The following CNBD2 variants were observed in gnomAD, a reference collection of about 807,000 sequenced individuals.
CNBD2 encodes the protein cyclic nucleotide-binding domain-containing protein 2.
CNBD2 carries 64 observed loss-of-function variants against 63.7 expected under a neutral mutation model. The observed-to-expected ratio is 1.00, with a 90% CI of 0.82 to 1.24. CNBD2 has a LOEUF of 1.24. Ranked by LOEUF, CNBD2 falls within the 50% of genes most tolerant of loss-of-function variation. The pLI, the probability that CNBD2 is intolerant of heterozygous loss-of-function variation, is 0.00. For synonymous variants in CNBD2, 229 were observed against 255.4 expected, an observed-to-expected ratio of 0.90 and a Z score of 0.99; for missense variants, 691 against 713.5, an observed-to-expected ratio of 0.97 and a Z score of 0.36.
rs1288347898 is a variant in CNBD2, at chr20:35,968,804, G to A, written c.42G>A (p.Lys14=). The change falls in exon 1 of 12, where the codon AAG becomes AAA. Residue 14 remains lysine (K), a synonymous_variant. Coordinates refer to ENST00000373973, the MANE Select transcript of CNBD2 (RefSeq NM_001365709.1). ...HMVTYAWQLL[K]KELGLYQLAM... ...TAACTTATGCCTGGCAGCTCCTGAA[G>A]AAGGAACTGGTGAGGAGGGGCAAGG... The A allele has an allele frequency of 1.2e-6, 2 of 1,607,398 alleles. No individual in the cohort carries two copies. Among genetic ancestry groups the A allele is most frequent in the Non-Finnish European group, 1.7e-6 (2 of 1,177,450 alleles).
intron 8 of CNBD2, among the ~76,000 whole-genome samples, chr20:36,007,670 G>T (rs2057003361): frequency 1.3e-5 from 2 of 152,078 alleles, no homozygotes; most frequent in Admixed American, 1.3e-4. Flanking sequence ...CTACAGGTGT[G>T]CACCAGCATG....
chr20:35,968,782 C>G lies in CNBD2; in HGVS notation c.20C>G (p.Thr7Ser), dbSNP rs1356695859. ...GGAACCATGAGGAGACATATGGTAACTTATGCCTGGCAGCTCCTGAAGAAG... is the reference window on the plus strand; with the variant it reads ...GGAACCATGAGGAGACATATGGTAAGTTATGCCTGGCAGCTCCTGAAGAAG... MRRHMV[T>S]YAWQLLKKEL... The change falls in exon 1 of 12, where the codon ACT becomes AGT. Residue 7 changes from threonine to serine, a missense_variant. Coordinates refer to ENST00000373973, the MANE Select transcript of CNBD2 (RefSeq NM_001365709.1). The G allele has an allele frequency of 6.2e-7, 1 of 1,609,186 alleles. No homozygotes were observed. The highest frequency in any genetic ancestry group is 8.5e-7 in the Non-Finnish European group (1 of 1,178,488).
downstream of CNBD2, among the ~76,000 whole-genome samples, chr20:35,958,207 C>T (rs753281356): frequency 4.6e-5 from 7 of 152,052 alleles, no homozygotes; most frequent in African/African-American, 1.2e-4. Flanking sequence ...CCGAGGCAGG[C>T]GGATCACGAG....
rs774370127 is a variant in CNBD2 at position 35,975,977 on chromosome 20, A to G, written c.218A>G (p.Asp73Gly). The change falls in exon 3 of 12, where the codon GAT (aspartate) becomes GGT (glycine). Residue 73 changes from aspartate (D) to glycine (G), a missense_variant. Transcript: ENST00000373973. The stretch of plus-strand genomic sequence containing the variant: ...AAGATGCAAAGCCGAGTCACATTTG[A>G]TACCATGGACTTCATTGCAGAGGAG... Reference protein sequence around the residue: ...DKKMQSRVTFDTMDFIAEEGH... With the variant: ...DKKMQSRVTFGTMDFIAEEGH... 2.5e-5 allele frequency: 40 copies of G among 1,613,056 alleles called. No individual in the cohort carries two copies. The South Asian group carries it at 3.8e-4, about 16-fold the overall frequency.
chr20:36,020,210 G>A (rs1174200593), intron 10 of CNBD2, among the ~76,000 whole-genome samples: 1 of 152,050 alleles, frequency 6.6e-6, no homozygotes, highest in Non-Finnish European at 1.5e-5. Context: ...AGCCTCCCAA[G>A]TAGCTGGGAC....
intron 11 of CNBD2, 136 bp from the exon 12 acceptor site, chr20:36,030,221 G>T (rs1420365796): frequency 1.2e-6 from 1 of 839,810 alleles, no homozygotes; most frequent in Admixed American, 2.3e-5. Context: ...AAAGGGAAAG[G>T]GTGCAGAAGG....
At chr20:35,976,075 G>A in intron 3 of CNBD2, 73 bp downstream of exon 3, 2 of 1,370,808 alleles carry the variant, frequency 1.5e-6, no homozygotes, top group Non-Finnish European at 2.1e-6. Flanking sequence ...CCCTGGCTGG[G>A]TATCAGCAGA....
At chr20:36,028,291 T>G (rs139838471) in intron 11 of CNBD2, among the ~76,000 whole-genome samples, 143 of 152,240 alleles carry the variant, frequency 9.4e-4, no homozygotes, top group South Asian at 9.1e-3. Flanking sequence ...CCCTGCTCAG[T>G]CAGCATTTGC....
intron 1 of CNBD2, among the ~76,000 whole-genome samples, chr20:35,970,009 G>A (rs188489805): frequency 5.1e-4 from 78 of 152,150 alleles, no homozygotes; most frequent in Middle Eastern, 6.8e-3. Context: ...TCACAATTTG[G>A]CTGGGGCATG....
chr20:36,008,552 A>C, intron 9 of CNBD2, 78 bp downstream of exon 9: 2 of 1,395,036 alleles, frequency 1.4e-6, no homozygotes, highest in Non-Finnish European at 1.9e-6. Context: ...GCAGAATGTC[A>C]GGGATGCGGA....
intron 8 of CNBD2, among the ~76,000 whole-genome samples, chr20:36,001,529 G>A (rs1183562629): frequency 2.8e-5 from 4 of 143,942 alleles, no homozygotes; most frequent in Non-Finnish European, 6.1e-5. Context: ...CGGGGCGGCC[G>A]GCTGGGCGGA....
chr20:36,008,708 C>T (rs529961370), intron 9 of CNBD2, among the ~76,000 whole-genome samples: 51 of 152,166 alleles, frequency 3.4e-4, no homozygotes, highest in Non-Finnish European at 7.2e-4. Context: ...CTTCTTTTCT[C>T]AGGGCCTCAG....
chr20:35,975,203 T>G (rs368307758), intron 2 of CNBD2, among the ~76,000 whole-genome samples: 17 of 134,584 alleles, frequency 1.3e-4, no homozygotes, highest in South Asian at 2.3e-4. Flanking sequence ...GGGTTTCACC[T>G]TGTTAGCCAG....
rs371997100 is a variant in CNBD2 at position 35,968,711 on chromosome 20, C to T, written c.-52C>T. Reference sequence around the variant, plus strand: ...GATTTTTGGGGAAAAATTTGTAGTCCTCCCCTTGAAAGGCAAAGGGGCTAG... The same window carrying T: ...GATTTTTGGGGAAAAATTTGTAGTCTTCCCCTTGAAAGGCAAAGGGGCTAG... On this transcript the variant is annotated 5_prime_UTR_variant, in exon 1 of 12. Coordinates refer to ENST00000373973, the MANE Select transcript of CNBD2 (RefSeq NM_001365709.1). 4.1e-6 allele frequency: 6 copies of T among 1,479,946 alleles called. No homozygotes were observed. The African/African-American group carries it at 4.1e-5, about 10-fold the overall frequency. The allele number at this position is 1,479,946 out of a possible 1,614,324, so 91.7% of individuals were successfully genotyped here.
Position 35,984,065 on chromosome 20 carries a change from C to T in CNBD2, c.491C>T (p.Thr164Ile), listed in dbSNP as rs1287217993. ...YFIYLGTVAI[T>I]KDEDGSSAFL... is the part of the protein sequence containing the mutation. ...ATCTACCTGGGCACAGTTGCAATAA[C>T]CAAGGACGAGGATGGCAGCAGTGCC... Residue 164 changes from threonine to isoleucine, a missense_variant, in exon 5 of 12, where the codon ACC becomes ATC. Thr to Ile is a moderately conservative substitution (Grantham distance 89, BLOSUM62 -1). Coordinates refer to ENST00000373973, the MANE Select transcript of CNBD2 (RefSeq NM_001365709.1). The T allele has an allele frequency of 3.1e-6, 5 of 1,614,136 alleles. No homozygotes were observed. In the East Asian group the frequency reaches 6.7e-5, roughly 22 times the overall value.
intron 10 of CNBD2, among the ~76,000 whole-genome samples, chr20:36,012,477 CA>C (rs11471733): frequency 1.5e-3 from 206 of 139,832 alleles, no homozygotes; most frequent in South Asian, 2.9e-3. Flanking sequence ...AACTCCATCT[CA>C]AAAAAAAAAA....
At chr20:36,023,945 T>G (rs2147372375) in intron 11 of CNBD2, among the ~76,000 whole-genome samples, 174 bp downstream of exon 11, 1 of 152,378 alleles carries the variant, frequency 6.6e-6, no homozygotes, top group East Asian at 1.9e-4. Context: ...ATTTTAGCAT[T>G]ACATTTCAAG....
intron 11 of CNBD2, among the ~76,000 whole-genome samples, chr20:36,027,275 G>A (rs2057293349): frequency 6.6e-6 from 1 of 152,196 alleles, no homozygotes; most frequent in African/African-American, 2.4e-5. Context: ...TCCAATGGTA[G>A]AGAAAGGGGG....
intron 8 of CNBD2, among the ~76,000 whole-genome samples, chr20:35,996,808 T>A (rs1014563826): frequency 2.0e-5 from 3 of 152,128 alleles, no homozygotes; most frequent in Non-Finnish European, 2.9e-5. Context: ...GCACCTGGCC[T>A]AATAACTCTT....
Sources: allele counts gnomAD v4.1 joint callset (sites outside exome capture counted in the v4.1 genomes callset), GRCh38; gene constraint gnomAD v4.1.1; transcripts MANE v1.5; gene names NCBI Gene and HGNC (gene_info 2026-07-23, HGNC 2026-07-21).